Variants in BEAN1 observed in about 807,000 individuals in gnomAD.
The protein encoded by BEAN1 is protein BEAN1.
In BEAN1, 17 loss-of-function variants were observed where a neutral mutation model predicts 17.7. The ratio of observed to expected loss-of-function variants is 0.96; its 90% CI spans 0.66 to 1.44. The LOEUF is 1.44. Ranked by LOEUF, BEAN1 falls within the 40% of genes most tolerant of loss-of-function variation. The probability of loss-of-function intolerance (pLI) is 0.00; values close to 1 mark genes in which losing one functional copy is unlikely to be tolerated. For missense variants in BEAN1, 359 were observed against 374.1 expected (o/e 0.96, Z 0.33); for synonymous variants, 142 against 151.8 (o/e 0.94, Z 0.47).
intron 1 of BEAN1, among the ~76,000 whole-genome samples, chr16:66,432,047 A>T (rs1370253212): frequency 6.6e-6 from 1 of 152,090 alleles, no homozygotes; most frequent in Non-Finnish European, 1.5e-5. Flanking sequence ...GACAGACTGA[A>T]ACTTTTTCTG....
intron 4 of BEAN1, 102 bp from the exon 5 acceptor site, chr16:66,480,484 A>AGTG: frequency 5.1e-6 from 5 of 977,914 alleles, no homozygotes; most frequent in Middle Eastern, 2.4e-4. Flanking sequence ...ACCCTGGTCC[A>AGTG]CAGCCAGGAC....
At chr16:66,480,083 G>A (rs528072775) in intron 4 of BEAN1, among the ~76,000 whole-genome samples, 17 of 152,232 alleles carry the variant, frequency 1.1e-4, no homozygotes, top group Non-Finnish European at 2.1e-4. Context: ...CCCTGCCCCA[G>A]GGGCTCGAGC....
chr16:66,484,581 C>A, downstream of BEAN1: 1 of 454,108 alleles, frequency 2.2e-6, no homozygotes, highest in Non-Finnish European at 4.4e-6. This position sits in a 1 kb window ranked among gnomAD's most constrained non-coding sequence, Gnocchi z 4.2. Flanking sequence ...AGCTGCATCA[C>A]AGGACGATGG....
intron 4 of BEAN1, among the ~76,000 whole-genome samples, chr16:66,478,325 C>T (rs1597046079): frequency 6.6e-6 from 1 of 152,182 alleles, no homozygotes; most frequent in African/African-American, 2.4e-5. Flanking sequence ...CTGCCCCAGC[C>T]GGGCGTGGGG....
intron 2 of BEAN1, among the ~76,000 whole-genome samples, chr16:66,449,263 A>C (rs1238630533): frequency 6.6e-6 from 1 of 152,222 alleles, no homozygotes; most frequent in Non-Finnish European, 1.5e-5. Context: ...CAACAGAGCA[A>C]GACCTTGTCT....
chr16:66,451,220 A>C, intron 2 of BEAN1: 1 of 153,180 alleles, frequency 6.5e-6, no homozygotes. Flanking sequence ...GGGATCTATT[A>C]ACCACTCCCA....
chr16:66,490,610 G>A (rs191977103), intron 4 of BEAN1, among the ~76,000 whole-genome samples: 241 of 152,116 alleles, frequency 1.6e-3, no homozygotes, highest in East Asian at 6.8e-3. Context: ...GTTGAGGGTC[G>A]CCACCTTCCT....
At chr16:66,469,490 G>C in intron 2 of BEAN1, 112 bp from the exon 3 acceptor site, 1 of 1,313,910 alleles carries the variant, frequency 7.6e-7, no homozygotes, top group South Asian at 1.4e-5. Context: ...CCTGAGCCCA[G>C]ACCCTCCTCC....
intron 4 of BEAN1, among the ~76,000 whole-genome samples, chr16:66,492,398 G>A (rs1964187156): frequency 6.6e-6 from 1 of 151,754 alleles, no homozygotes; most frequent in African/African-American, 2.4e-5. Flanking sequence ...GCTGGGAGCT[G>A]GGATACCTAG....
chr16:66,444,392 G>A (rs1035845826), intron 2 of BEAN1, among the ~76,000 whole-genome samples: 5 of 152,160 alleles, frequency 3.3e-5, no homozygotes, highest in Non-Finnish European at 7.4e-5. Context: ...GGCTTGTAGC[G>A]GGGCTTTGAG....
At chr16:66,439,488 C>G (rs544135952) in intron 2 of BEAN1, among the ~76,000 whole-genome samples, 1 of 152,160 alleles carries the variant, frequency 6.6e-6, no homozygotes, top group Non-Finnish European at 1.5e-5. Flanking sequence ...ATGCTGAGTG[C>G]GGAGGGCTTT....
chr16:66,429,646 G>T (rs1302238032), intron 1 of BEAN1, among the ~76,000 whole-genome samples: 2 of 152,148 alleles, frequency 1.3e-5, no homozygotes, highest in Non-Finnish European at 2.9e-5. Context: ...GGCAAGATGA[G>T]CTGCCACCTG....
At chr16:66,428,581 C>A (rs574609295) in intron 1 of BEAN1, 124 of 152,380 alleles carry the variant, frequency 8.1e-4, no homozygotes, top group Middle Eastern at 3.4e-3. Context: ...GGCTGTACAA[C>A]CTTAAGCAAG....
At chr16:66,437,840 T>C in intron 2 of BEAN1, 139 bp downstream of exon 2, 1 of 1,164,518 alleles carries the variant, frequency 8.6e-7, no homozygotes, top group Non-Finnish European at 1.2e-6. Flanking sequence ...GCATGCTGGG[T>C]GGGGAGAGGG....
chr16:66,494,236 CGGGG>C (rs369121086), downstream of BEAN1, among the ~76,000 whole-genome samples: 12 of 152,294 alleles, frequency 7.9e-5, no homozygotes, highest in African/African-American at 2.9e-4. Flanking sequence ...AAGCAGGGCA[CGGGG>C]GAAGAGTGGC....
intron 4 of BEAN1, among the ~76,000 whole-genome samples, chr16:66,478,536 A>C (rs1963857629): frequency 1.3e-5 from 2 of 152,174 alleles, no homozygotes; most frequent in South Asian, 4.1e-4. Flanking sequence ...CGGGAGGCGG[A>C]GGTTGTAGTG....
At chr16:66,445,335 G>GCGT (rs1355136899) in intron 2 of BEAN1, among the ~76,000 whole-genome samples, 1 of 151,824 alleles carries the variant, frequency 6.6e-6, no homozygotes, top group East Asian at 1.9e-4. Context: ...AATTAGCCGG[G>GCGT]CGTGGTGGTG....
downstream of BEAN1, chr16:66,485,480 G>A: frequency 3.5e-6 from 1 of 287,076 alleles, no homozygotes; most frequent in East Asian, 8.8e-5. Context: ...TGAATCTTCT[G>A]TCCTGGTCTC....
At chr16:66,474,395 A>G (rs903246291) in intron 3 of BEAN1, among the ~76,000 whole-genome samples, 1 of 151,656 alleles carries the variant, frequency 6.6e-6, no homozygotes, top group Non-Finnish European at 1.5e-5. Context: ...CCAAAGTGAC[A>G]GGACTGTGAC....
Sources: gnomAD v4.1 joint callset for allele counts (sites outside exome capture counted in the v4.1 genomes callset) on GRCh38, gnomAD v4.1.1 for gene constraint, Gnocchi (gnomAD v3.1) non-coding constraint, MANE v1.5 for transcripts, NCBI Gene and HGNC (gene_info 2026-07-23, HGNC 2026-07-21) for gene names.